STXBP5L: variants seen among roughly 807,000 people sequenced by gnomAD.
STXBP5L encodes syntaxin-binding protein 5-like.
In STXBP5L, 65 loss-of-function variants were observed where a neutral mutation model predicts 144.5. The ratio of observed to expected loss-of-function variants is 0.45; its 90% CI spans 0.37 to 0.55. The LOEUF (loss-of-function observed/expected upper bound fraction) is 0.55. STXBP5L is among the 20% of genes least tolerant of loss of function. STXBP5L has a pLI of 0.00. For missense variants in STXBP5L, 1,298 were observed against 1,405.5 expected, an observed-to-expected ratio of 0.92 and a Z score of 1.22; for synonymous variants, 505 against 469.6, an observed-to-expected ratio of 1.08 and a Z score of -0.97.
rs377693029 is a variant in STXBP5L, at chr3:121,152,542, G to C, written c.735G>C (p.Leu245=). Residue 245 remains leucine (L), a synonymous_variant, in exon 8 of 27, where the codon CTG becomes CTC. Coordinates refer to ENST00000471454, the MANE Select transcript of STXBP5L (RefSeq NM_001308330.2). The part of the protein sequence containing the change: ...FWDLKSKRAE[L]RVYYDEAIHS... ...ACTTGAAATCTAAAAGAGCAGAACT[G>C]AGAGTTTATTATGATGAGGTAAGTG... The C allele has an allele frequency of 6.0e-5, 96 of 1,607,048 alleles. No individual in the cohort carries two copies. The highest frequency in any genetic ancestry group is 7.7e-5 in the Non-Finnish European group (91 of 1,176,472).
At chr3:121,338,927 A>G (rs1576213755) in intron 20 of STXBP5L, among the ~76,000 whole-genome samples, 2 of 152,108 alleles carry the variant, frequency 1.3e-5, no homozygotes, top group African/African-American at 4.8e-5. Context: ...CTCCTAAAAA[A>G]AGCCAAGGGC....
chr3:121,030,717 G>T (rs1284431040), intron 3 of STXBP5L, among the ~76,000 whole-genome samples: 2 of 152,016 alleles, frequency 1.3e-5, no homozygotes, highest in African/African-American at 4.8e-5. Flanking sequence ...CCCCACCCTA[G>T]AACTACTGAT....
chr3:121,183,788 G>T (rs778877603), intron 9 of STXBP5L, among the ~76,000 whole-genome samples: 10 of 152,042 alleles, frequency 6.6e-5, no homozygotes, highest in Non-Finnish European at 1.3e-4. Context: ...TCCAGCAGGG[G>T]TTGACAGACA....
At position 121,135,715 on chromosome 3, in the gene STXBP5L, C is replaced by T. The variant is rs147562150; in HGVS notation, c.669+14011C>T. Among the ~76,000 whole-genome samples, 63 of 152,282 alleles carry T rather than the reference C, an allele frequency of 4.1e-4. 1 individual carries two copies. The East Asian group carries it at 0.011, about 27-fold the overall frequency. On this transcript the variant is annotated intron_variant, in intron 7 of 26. Coordinates refer to ENST00000471454, the MANE Select transcript of STXBP5L (RefSeq NM_001308330.2). ...ATACAGATGACTCTTCACTTGCTTA[C>T]CTGCCATTCACCTCCTGCTGTGTGG...
intron 2 of STXBP5L, among the ~76,000 whole-genome samples, chr3:120,943,209 A>G (rs1367753783): frequency 6.6e-6 from 1 of 151,760 alleles, no homozygotes; most frequent in Non-Finnish European, 1.5e-5. Flanking sequence ...TAAGTAAAAC[A>G]AACAATCAGA....
At chr3:121,110,282 A>T (rs917148069) in intron 5 of STXBP5L, among the ~76,000 whole-genome samples, 1 of 152,114 alleles carries the variant, frequency 6.6e-6, no homozygotes, top group African/African-American at 2.4e-5. Flanking sequence ...AGACTTGTTG[A>T]TGTAGTTGCC....
At chr3:121,020,006 C>G (rs563222538) in intron 3 of STXBP5L, among the ~76,000 whole-genome samples, 10 of 152,038 alleles carry the variant, frequency 6.6e-5, no homozygotes, top group Admixed American at 1.3e-4. Flanking sequence ...TGAAGTCCAA[C>G]TTAACGAAAT....
chr3:121,155,518 T>A (rs1263445698), intron 8 of STXBP5L, among the ~76,000 whole-genome samples: 1 of 151,912 alleles, frequency 6.6e-6, no homozygotes, highest in Non-Finnish European at 1.5e-5. Context: ...AGCCACTGAG[T>A]TGATAAAACT....
intron 3 of STXBP5L, among the ~76,000 whole-genome samples, chr3:121,031,191 C>A (rs917159679): frequency 6.6e-6 from 1 of 152,084 alleles, no homozygotes; most frequent in Non-Finnish European, 1.5e-5. Flanking sequence ...GACTTTTAAA[C>A]AGGAATGGCA....
chr3:121,318,503 T>G lies in STXBP5L; in HGVS notation c.2139T>G (p.Val713=). The part of the protein sequence containing the change: ...AGLTELNDSP[V]PLELERCKSP... ...TAACTGAACTGAATGACAGTCCAGTTCCCCTAGAACTTGAGCGCTGCAAGT... is the reference window on the plus strand; with the variant it reads ...TAACTGAACTGAATGACAGTCCAGTGCCCCTAGAACTTGAGCGCTGCAAGT... Residue 713 remains valine (V), a synonymous_variant, in exon 20 of 27, where the codon GTT becomes GTG. Transcript: ENST00000471454. The G allele has an allele frequency of 1.3e-6, 2 of 1,563,276 alleles. No homozygotes were observed. Among genetic ancestry groups the G allele is most frequent in the Non-Finnish European group, 1.7e-6 (2 of 1,155,618 alleles).
intron 10 of STXBP5L, among the ~76,000 whole-genome samples, chr3:121,212,753 A>T (rs1469222557): frequency 6.6e-6 from 1 of 152,190 alleles, no homozygotes; most frequent in Non-Finnish European, 1.5e-5. Context: ...CTGTGAAGAA[A>T]GTCAATGGTA....
chr3:121,345,228 C>G (rs1231595951), intron 20 of STXBP5L, among the ~76,000 whole-genome samples: 1 of 152,014 alleles, frequency 6.6e-6, no homozygotes, highest in Non-Finnish European at 1.5e-5. Flanking sequence ...TCTCATTGTT[C>G]AGTTCCCACC....
At chr3:121,336,278 C>G (rs112584382) in intron 20 of STXBP5L, among the ~76,000 whole-genome samples, 3 of 152,154 alleles carry the variant, frequency 2.0e-5, no homozygotes, top group Non-Finnish European at 4.4e-5. Context: ...GGGCAGATCA[C>G]TTGAGCCCAA....
At chr3:121,045,091 T>C (rs184951562) in intron 4 of STXBP5L, among the ~76,000 whole-genome samples, 10 of 152,248 alleles carry the variant, frequency 6.6e-5, no homozygotes, top group Admixed American at 5.9e-4. Flanking sequence ...ATATAGTATA[T>C]GTGTAAACAG....
At position 121,210,120 on chromosome 3, in the gene STXBP5L, G is replaced by A. The variant is rs541188430; in HGVS notation, c.956+4119G>A. ...GTTGTTTCCTGACTTTTTAATGATC[G>A]CCATTCTAACTGGTGTGAGATGGTA... On this transcript the variant is annotated intron_variant, in intron 10 of 26. Transcript: ENST00000471454. Among the ~76,000 whole-genome samples, 357 of 151,844 alleles carry A rather than the reference G, an allele frequency of 2.4e-3. 2 individuals carry two copies. Among genetic ancestry groups the A allele is most frequent in the African/African-American group, 7.9e-3 (328 of 41,386 alleles).
intron 19 of STXBP5L, among the ~76,000 whole-genome samples, chr3:121,289,201 G>C (rs2051333697): frequency 6.6e-6 from 1 of 152,074 alleles, no homozygotes; most frequent in African/African-American, 2.4e-5. Flanking sequence ...AGCAGGAGTA[G>C]CTATTCTTAT....
chr3:120,977,144 G>T (rs767496522), intron 3 of STXBP5L, among the ~76,000 whole-genome samples: 6 of 152,170 alleles, frequency 3.9e-5, no homozygotes, highest in South Asian at 2.1e-4. Flanking sequence ...TGACAGTGGG[G>T]TGTTAAAGTC....
chr3:121,250,589 A>G (rs753961564), intron 14 of STXBP5L, 134 bp from the exon 15 acceptor site: 2 of 689,934 alleles, frequency 2.9e-6, no homozygotes, highest in Non-Finnish European at 5.0e-6. Context: ...ATGGTTTAGC[A>G]TACATTAGTT....
intron 5 of STXBP5L, among the ~76,000 whole-genome samples, chr3:121,086,395 A>C (rs1430977687): frequency 1.3e-5 from 2 of 152,132 alleles, no homozygotes; most frequent in African/African-American, 4.8e-5. Flanking sequence ...GAAGCTGAAA[A>C]ATTTCTATTG....
Sources: gnomAD v4.1 joint callset for allele counts (sites outside exome capture counted in the v4.1 genomes callset) on GRCh38, gnomAD v4.1.1 for gene constraint, MANE v1.5 for transcripts, NCBI Gene and HGNC (gene_info 2026-07-23, HGNC 2026-07-21) for gene names.